DST: variants seen among roughly 807,000 people sequenced by gnomAD.
DST encodes bullous pemphigoid antigen.
In DST, 253 loss-of-function variants were observed where a neutral mutation model predicts 875.2. The observed-to-expected ratio is 0.29, with a 90% CI of 0.26 to 0.32. The LOEUF is 0.32. Ranked by LOEUF, DST falls within the 10% of genes least tolerant of loss-of-function variation. The pLI is 1.00. For synonymous variants in DST, 3,124 were observed against 3,197.1 expected (o/e 0.98, Z 0.77); for missense variants, 8,287 against 9,111.6 (o/e 0.91, Z 3.68).
intron 69 of DST, among the ~76,000 whole-genome samples, chr6:56,518,857 G>A (rs1323288716): frequency 1.3e-5 from 2 of 152,160 alleles, no homozygotes; most frequent in Non-Finnish European, 2.9e-5. Flanking sequence ...ATCCAGATGA[G>A]GTGGGAGAAC....
At chr6:56,810,679 A>G (rs368079738) in intron 4 of DST, among the ~76,000 whole-genome samples, 4 of 151,912 alleles carry the variant, frequency 2.6e-5, no homozygotes, top group Non-Finnish European at 2.9e-5. Flanking sequence ...TACCAAAATT[A>G]AAAGGCAAAT....
chr6:56,543,294 G>C (rs916836064), intron 61 of DST, among the ~76,000 whole-genome samples: 11 of 152,186 alleles, frequency 7.2e-5, no homozygotes, highest in African/African-American at 2.7e-4. Flanking sequence ...CTTTGAAGTC[G>C]AGAGTGTTTT....
chr6:56,916,823 C>CACACACAG (rs555473872), intron 2 of DST, among the ~76,000 whole-genome samples: 89 of 140,760 alleles, frequency 6.3e-4, no homozygotes, highest in African/African-American at 2.1e-3. Context: ...CACACACACA[C>CACACACAG]AGAGAGACAG....
At chr6:56,629,589 T>C in intron 31 of DST, 146 bp from the exon 32 acceptor site, 1 of 670,658 alleles carries the variant, frequency 1.5e-6, no homozygotes. Context: ...CACAATATTA[T>C]ATTAGTTCAA....
intron 9 of DST, among the ~76,000 whole-genome samples, chr6:56,683,115 T>C (rs566755034): frequency 2.6e-5 from 4 of 152,364 alleles, no homozygotes; most frequent in African/African-American, 9.6e-5. Flanking sequence ...ATATATTAAC[T>C]GTTCTAAGAT....
In DST at chr6:56,634,632, G is replaced by C. The variant is rs750181755; in HGVS notation, c.3340-16C>G. ...AAATGGTTATCTGGTTTAAAATAAA[G>C]AGCAGAATAACTCAATGAGGTCACT... is the stretch of plus-strand genomic sequence containing the variant. On this transcript the variant is annotated splice_polypyrimidine_tract_variant and intron_variant, in intron 25 of 103. Coordinates refer to ENST00000680361, the MANE Select transcript of DST (RefSeq NM_001374736.1). 1 of 1,613,956 alleles carries C rather than the reference G, an allele frequency of 6.2e-7. No individual in the cohort carries two copies. The highest frequency in any genetic ancestry group is 1.1e-5 in the South Asian group (1 of 91,072).
At chr6:56,573,422 G>T (rs2097807787) in intron 51 of DST, among the ~76,000 whole-genome samples, 1 of 152,128 alleles carries the variant, frequency 6.6e-6, no homozygotes, top group African/African-American at 2.4e-5. Context: ...TGATAAACAA[G>T]ATAAGACTCA....
chr6:56,544,881 C>G (rs2097196954), intron 61 of DST, among the ~76,000 whole-genome samples: 1 of 152,150 alleles, frequency 6.6e-6, no homozygotes, highest in African/African-American at 2.4e-5. Flanking sequence ...ATATATAGAG[C>G]AGAACCGGAC....
chr6:56,681,622 T>A (rs936721670), intron 9 of DST, among the ~76,000 whole-genome samples: 3 of 152,236 alleles, frequency 2.0e-5, no homozygotes, highest in African/African-American at 7.2e-5. Flanking sequence ...TTGTCTCTTG[T>A]TAGATCTTCT....
chr6:56,900,991 C>T (rs369262206), intron 2 of DST, among the ~76,000 whole-genome samples: 1 of 150,804 alleles, frequency 6.6e-6, no homozygotes, highest in Admixed American at 6.6e-5. Flanking sequence ...GTGTAGGGAG[C>T]GGGACAGGAT....
chr6:56,546,227 A>G (rs1474898592), intron 61 of DST, among the ~76,000 whole-genome samples: 1 of 151,048 alleles, frequency 6.6e-6, no homozygotes, highest in African/African-American at 2.4e-5. Flanking sequence ...TTACTACAAT[A>G]CTAAGACTAT....
chr6:56,722,368 G>GTTTGTTTGTTTATTTATTTA lies in DST; in HGVS notation c.687+12859_687+12860insTAAATAAATAAACAAACAAA, dbSNP rs376637331. ...TTGACAATAAAAGTAGTACATGTTT[G>GTTTGTTTGTTTATTTATTTA]TTTATTTATTTATTTATTTATTTAT... On this transcript the variant is annotated intron_variant, in intron 5 of 103. Coordinates refer to ENST00000680361, the MANE Select transcript of DST (RefSeq NM_001374736.1). 6.0e-3 allele frequency among the ~76,000 whole-genome samples: 911 copies of GTTTGTTTGTTTATTTATTTA among 150,686 alleles called. 8 individuals carry two copies. Among genetic ancestry groups the GTTTGTTTGTTTATTTATTTA allele is most frequent in the South Asian group, 0.017 (83 of 4,762 alleles).
At chr6:56,612,748 C>T (rs545403917) in intron 37 of DST, among the ~76,000 whole-genome samples, 7 of 152,176 alleles carry the variant, frequency 4.6e-5, no homozygotes, top group Non-Finnish European at 1.0e-4. Flanking sequence ...CGACCATCAG[C>T]TGTTCTTAGA....
chr6:56,501,993 T>C (rs2096143848), intron 78 of DST, among the ~76,000 whole-genome samples: 1 of 152,144 alleles, frequency 6.6e-6, no homozygotes, highest in Non-Finnish European at 1.5e-5. Flanking sequence ...CTTATTCCAA[T>C]ATATGCATTT....
chr6:56,655,999 AAATAAAT>A (rs1270596561), intron 10 of DST, among the ~76,000 whole-genome samples: 1 of 152,272 alleles, frequency 6.6e-6, no homozygotes. Flanking sequence ...TTTGAGGATT[AAATAAAT>A]AATAAAGAAA....
At chr6:56,609,567 A>G (rs1302533672) in intron 39 of DST, among the ~76,000 whole-genome samples, 1 of 152,230 alleles carries the variant, frequency 6.6e-6, no homozygotes, top group Non-Finnish European at 1.5e-5. Context: ...CTTTGAAAAC[A>G]ACATGCATCT....
intron 4 of DST, among the ~76,000 whole-genome samples, chr6:56,806,537 G>A (rs2153029338): frequency 6.6e-6 from 1 of 152,324 alleles, no homozygotes; most frequent in African/African-American, 2.4e-5. Flanking sequence ...ATGGTAGTGT[G>A]GAGTAGAGAA....
intron 63 of DST, among the ~76,000 whole-genome samples, chr6:56,532,958 A>G (rs7747256): frequency 0.99 from 151,460 of 152,322 alleles, 75,302 homozygotes; most frequent in Middle Eastern, 1. Context: ...ACGTTAAACA[A>G]TCCATTATAG....
At chr6:56,816,608 C>G (rs1452452327) in intron 4 of DST, among the ~76,000 whole-genome samples, 1 of 152,174 alleles carries the variant, frequency 6.6e-6, no homozygotes, top group Non-Finnish European at 1.5e-5. Context: ...AGCATCCTGG[C>G]AGTTTATTAA....
Sources: allele counts gnomAD v4.1 joint callset (sites outside exome capture counted in the v4.1 genomes callset), GRCh38; gene constraint gnomAD v4.1.1; transcripts MANE v1.5; gene names NCBI Gene and HGNC (gene_info 2026-07-23, HGNC 2026-07-21).